The following PPM1E variants were observed in gnomAD, a reference collection of about 807,000 sequenced individuals.
PPM1E encodes the protein protein phosphatase 1E.
In PPM1E, 20 loss-of-function variants were observed where a neutral mutation model predicts 65.9. That is an observed-to-expected ratio of 0.30 (90% confidence interval 0.21 to 0.44). The LOEUF is 0.44. Ranked by LOEUF, PPM1E falls within the 20% of genes least tolerant of loss-of-function variation. The pLI is 1.00. For missense variants in PPM1E, 713 were observed against 953.1 expected (o/e 0.75, Z 3.32); for synonymous variants, 352 against 374.9 (o/e 0.94, Z 0.70).
In PPM1E at chr17:58,972,178, A is replaced by G. The variant is rs1467642189; in HGVS notation, c.1019A>G (p.Asn340Ser). ...GGAGTGGTGACTTTCATCAGAGGCA[A>G]CATGCTACATGTGGCCTGGGTGGGT... ...TTGVVTFIRG[N>S]MLHVAWVGDS... Residue 340 changes from asparagine (N) to serine (S), a missense_variant, in exon 5 of 7, where the codon AAC (asparagine) becomes AGC (serine). Around this residue, in one of 6 missense-constraint regions of PPM1E, gnomAD observed 88 missense variants for 231.1 expected, o/e 0.38. Transcript: ENST00000308249. 2 of 1,613,998 alleles carry G rather than the reference A, an allele frequency of 1.2e-6. No individual in the cohort carries two copies. The highest frequency in any genetic ancestry group is 2.7e-5 in the African/African-American group (2 of 74,904).
At chr17:58,829,777 TA>T (rs1319107034) in intron 1 of PPM1E, among the ~76,000 whole-genome samples, 6 of 152,248 alleles carry the variant, frequency 3.9e-5, no homozygotes, top group African/African-American at 7.2e-5. Context: ...AAAAAACAAA[TA>T]AAAGATTCAT....
intron 1 of PPM1E, among the ~76,000 whole-genome samples, chr17:58,944,933 A>G (rs908934514): frequency 4.6e-5 from 7 of 152,176 alleles, no homozygotes; most frequent in African/African-American, 1.7e-4. Context: ...ACCACTTTAC[A>G]TCTCCACTAG....
intron 1 of PPM1E, among the ~76,000 whole-genome samples, chr17:58,825,017 TG>T (rs982513532): frequency 2.0e-5 from 3 of 151,692 alleles, no homozygotes; most frequent in Non-Finnish European, 4.4e-5. Context: ...TTTGGAAACT[TG>T]GGGGGAAGAG....
rs1286644522 is a variant in PPM1E at position 58,816,776 on chromosome 17, ATATATATATATATATATATTT to A, written c.464+60317_464+60337del. 4.1e-3 allele frequency among the ~76,000 whole-genome samples: 46 copies of A among 11,332 alleles called. 3 individuals are homozygous for A. Among genetic ancestry groups the A allele is most frequent in the East Asian group, 0.013 (12 of 914 alleles). The allele number at this position is 11,332 out of a possible 152,430, so 7.4% of individuals were successfully genotyped here. A position where few individuals can be genotyped will look rare whatever the true frequency, so the allele number is the denominator to read the frequency against. On this transcript the variant is annotated intron_variant, in intron 1 of 6. Coordinates refer to ENST00000308249, the MANE Select transcript of PPM1E (RefSeq NM_014906.5). ...TATATATATATATATATATATATATATATATATATATATATATATTTTTTTTTTTTTTTTTTTGAGACAGGG... is the reference window on the plus strand; with the variant it reads ...TATATATATATATATATATATATATATTTTTTTTTTTTTTTTGAGACAGGG...
At chr17:58,878,921 A>T (rs1021655987) in intron 1 of PPM1E, among the ~76,000 whole-genome samples, 2 of 151,974 alleles carry the variant, frequency 1.3e-5, no homozygotes, top group East Asian at 3.9e-4. Flanking sequence ...AAAAAAAGAA[A>T]AAAAGAAAAC....
At chr17:58,791,357 G>A (rs866185596) in intron 1 of PPM1E, among the ~76,000 whole-genome samples, 3 of 152,064 alleles carry the variant, frequency 2.0e-5, no homozygotes, top group African/African-American at 7.2e-5. Flanking sequence ...TAGATGATTC[G>A]GAGATGGCAA....
intron 1 of PPM1E, among the ~76,000 whole-genome samples, chr17:58,766,196 G>GTTTTTTTTT (rs10604459): frequency 6.1e-4 from 40 of 65,128 alleles, no homozygotes; most frequent in Non-Finnish European, 8.2e-4. Context: ...TGTAATTTCT[G>GTTTTTTTTT]TTTTTTTTTT....
At chr17:58,966,239 G>C (rs2143678544) in intron 3 of PPM1E, 1 of 374,462 alleles carries the variant, frequency 2.7e-6, no homozygotes, top group East Asian at 7.7e-5. Context: ...ATTAGGCTGG[G>C]TGTGGTAGCT....
intron 1 of PPM1E, among the ~76,000 whole-genome samples, chr17:58,834,645 C>T (rs539143857): frequency 3.6e-4 from 55 of 152,286 alleles, no homozygotes; most frequent in African/African-American, 1.2e-3. Flanking sequence ...CTTGTTAAAA[C>T]GACTATCCTT....
At chr17:58,962,927 A>T (rs537168289) in intron 2 of PPM1E, among the ~76,000 whole-genome samples, 148 of 151,446 alleles carry the variant, frequency 9.8e-4, no homozygotes, top group Admixed American at 3.1e-3. Context: ...AACAAAAAAA[A>T]TTTTTTTTTA....
intron 1 of PPM1E, among the ~76,000 whole-genome samples, chr17:58,805,995 C>A (rs12950761): frequency 0.15 from 9,622 of 65,566 alleles, 341 homozygotes; most frequent in African/African-American, 0.17. Context: ...CAAAACAAAA[C>A]AAAACAAAAA....
rs1598564587 is a variant in PPM1E, at chr17:58,777,968, C to T, written c.464+21507C>T. Among the ~76,000 whole-genome samples the T allele has an allele frequency of 2.6e-5, 4 of 152,242 alleles. No individual in the cohort carries two copies. The South Asian group carries it at 6.2e-4, about 24-fold the overall frequency. ...GTTTTGAACCAAGATTTTGCTCCAT[C>T]GCCCAGGCTGGAGTACGGTGGCATG... is the stretch of plus-strand genomic sequence containing the variant. On this transcript the variant is annotated intron_variant, in intron 1 of 6. Transcript: ENST00000308249.
chr17:58,809,400 A>G (rs936532966), intron 1 of PPM1E, among the ~76,000 whole-genome samples: 7 of 150,390 alleles, frequency 4.7e-5, no homozygotes, highest in Non-Finnish European at 1.0e-4. Context: ...AATTAACAAA[A>G]TTTTTTTTTT....
chr17:58,909,008 A>T (rs1413743073), intron 1 of PPM1E, among the ~76,000 whole-genome samples: 2 of 152,190 alleles, frequency 1.3e-5, no homozygotes, highest in Non-Finnish European at 2.9e-5. Flanking sequence ...TGCCATTATT[A>T]TGAACAATCT....
intron 6 of PPM1E, among the ~76,000 whole-genome samples, chr17:58,977,734 T>C (rs977883884): frequency 1.3e-5 from 2 of 152,162 alleles, no homozygotes; most frequent in African/African-American, 4.8e-5. Context: ...AACAGGGATG[T>C]TAAATGTTGG....
intron 1 of PPM1E, among the ~76,000 whole-genome samples, chr17:58,778,927 C>CACAT (rs1555609359): frequency 9.6e-6 from 1 of 103,710 alleles, no homozygotes; most frequent in African/African-American, 3.5e-5. Context: ...ATGATACATA[C>CACAT]ATATATATAT....
chr17:58,766,021 T>G (rs1224549925), intron 1 of PPM1E, among the ~76,000 whole-genome samples: 6 of 143,994 alleles, frequency 4.2e-5, no homozygotes, highest in Non-Finnish European at 9.1e-5. Context: ...GCTGGGATTA[T>G]AGGTGTGCAC....
intron 1 of PPM1E, among the ~76,000 whole-genome samples, chr17:58,886,519 G>A (rs990502739): frequency 6.6e-6 from 1 of 152,134 alleles, no homozygotes; most frequent in Non-Finnish European, 1.5e-5. Flanking sequence ...TAATGTTCTA[G>A]AGCTTGACTT....
intron 1 of PPM1E, among the ~76,000 whole-genome samples, chr17:58,950,727 T>C (rs1278579137): frequency 6.6e-6 from 1 of 151,842 alleles, no homozygotes; most frequent in Non-Finnish European, 1.5e-5. Flanking sequence ...CTTTATTGTA[T>C]TTTTTATTTC....
Sources: allele counts gnomAD v4.1 joint callset (sites outside exome capture counted in the v4.1 genomes callset), GRCh38; gene constraint gnomAD v4.1.1; regional missense constraint gnomAD v4.1.1; transcripts MANE v1.5; gene names NCBI Gene and HGNC (gene_info 2026-07-23, HGNC 2026-07-21).